KLF12: variants seen among roughly 807,000 people sequenced by gnomAD.
The protein encoded by KLF12 is Krueppel-like factor 12.
Under a neutral mutation model 37.8 loss-of-function variants are expected in KLF12, and 9 were observed. That is an observed-to-expected ratio of 0.24 (90% CI 0.14 to 0.42). KLF12 has a LOEUF of 0.42. Among genes scored for constraint, KLF12 ranks in the 10% least tolerant of loss-of-function variants. The pLI, the probability that KLF12 is intolerant of heterozygous loss-of-function variation, is 1.00. For synonymous variants in KLF12, 208 were observed against 202.1 expected, an observed-to-expected ratio of 1.03 and a Z score of -0.25; for missense variants, 411 against 516.0, an observed-to-expected ratio of 0.80 and a Z score of 1.97.
intron 1 of KLF12, among the ~76,000 whole-genome samples, chr13:74,033,122 G>A (rs1893157201): frequency 1.3e-5 from 2 of 152,094 alleles, no homozygotes; most frequent in Admixed American, 1.3e-4. Context: ...AGTGCTGCCT[G>A]CCCTTCTTAT....
chr13:74,096,237 A>C (rs1875980201), intron 1 of KLF12, among the ~76,000 whole-genome samples: 1 of 152,228 alleles, frequency 6.6e-6, no homozygotes, highest in Non-Finnish European at 1.5e-5. Context: ...AAAATGGACT[A>C]CAAGAGTTCA....
intron 6 of KLF12, among the ~76,000 whole-genome samples, chr13:73,745,316 G>A (rs1011229937): frequency 1.3e-5 from 2 of 152,116 alleles, no homozygotes; most frequent in African/African-American, 2.4e-5. Flanking sequence ...AAATCATGAC[G>A]TTGTGAAAGA....
intron 1 of KLF12, among the ~76,000 whole-genome samples, chr13:73,997,965 T>G (rs1411583410): frequency 6.6e-6 from 1 of 152,186 alleles, no homozygotes; most frequent in Non-Finnish European, 1.5e-5. Context: ...GAGGAGAGAC[T>G]GGAGAAATTC....
chr13:73,851,575 T>A (rs1386433571), intron 3 of KLF12, among the ~76,000 whole-genome samples: 1 of 152,208 alleles, frequency 6.6e-6, no homozygotes, highest in African/African-American at 2.4e-5. Flanking sequence ...TCAGTGTGCA[T>A]CCATTATGAC....
At chr13:73,769,727 G>C (rs1880149970) in intron 5 of KLF12, among the ~76,000 whole-genome samples, 1 of 152,046 alleles carries the variant, frequency 6.6e-6, no homozygotes, top group South Asian at 2.1e-4. Context: ...GTTCCTTCTG[G>C]TATCTTCTCA....
At chr13:73,913,992 T>A (rs879467949) in intron 3 of KLF12, among the ~76,000 whole-genome samples, 1 of 152,222 alleles carries the variant, frequency 6.6e-6, no homozygotes, top group African/African-American at 2.4e-5. Flanking sequence ...TGCATATCCA[T>A]GAATTAAACA....
At chr13:73,778,298 G>A (rs1355185613) in intron 5 of KLF12, among the ~76,000 whole-genome samples, 1 of 152,188 alleles carries the variant, frequency 6.6e-6, no homozygotes, top group Non-Finnish European at 1.5e-5. Context: ...ACAAACACAA[G>A]TGTTTTCCTA....
At chr13:74,038,263 A>T (rs953502480) in intron 1 of KLF12, among the ~76,000 whole-genome samples, 2 of 152,184 alleles carry the variant, frequency 1.3e-5, no homozygotes, top group African/African-American at 4.8e-5. Flanking sequence ...TGAACTTATA[A>T]CTATTCAAAA....
chr13:74,172,730 G>A, the KLF12 span, among the ~76,000 whole-genome samples: 1 of 152,136 alleles, frequency 6.6e-6, no homozygotes, highest in Admixed American at 6.5e-5. Context: ...CCATACCACA[G>A]GCAATTGGAA....
intron 2 of KLF12, among the ~76,000 whole-genome samples, chr13:73,985,010 C>T (rs1391732410): frequency 1.8e-5 from 2 of 112,990 alleles, no homozygotes; most frequent in African/African-American, 6.4e-5. Context: ...AAGGGTGACA[C>T]AGCTTCTGCC....
At chr13:74,061,591 A>G (rs1379012938) in intron 1 of KLF12, among the ~76,000 whole-genome samples, 2 of 152,182 alleles carry the variant, frequency 1.3e-5, no homozygotes, top group African/African-American at 4.8e-5. Context: ...ACCTGTGATT[A>G]AAAACAATCC....
intron 1 of KLF12, among the ~76,000 whole-genome samples, chr13:74,008,255 G>A (rs1483619727): frequency 3.3e-5 from 5 of 152,052 alleles, no homozygotes; most frequent in Non-Finnish European, 7.4e-5. Flanking sequence ...AAATTATAGA[G>A]CAATGTCCAG....
chr13:73,862,896 G>C (rs541713977), intron 3 of KLF12, among the ~76,000 whole-genome samples: 59 of 152,224 alleles, frequency 3.9e-4, no homozygotes, highest in African/African-American at 1.4e-3. Context: ...TAATTATTAA[G>C]TAAATTAGCA....
chr13:73,802,505 T>C (rs573210721), intron 5 of KLF12, among the ~76,000 whole-genome samples: 27 of 152,250 alleles, frequency 1.8e-4, no homozygotes, highest in African/African-American at 6.5e-4. Flanking sequence ...GGGGCAACAA[T>C]GTGCAGATTT....
At chr13:73,985,972 G>A (rs910846573) in intron 2 of KLF12, among the ~76,000 whole-genome samples, 7 of 152,220 alleles carry the variant, frequency 4.6e-5, no homozygotes, top group South Asian at 2.1e-4. Context: ...ATACAGCTCC[G>A]GAGCCACAGC....
At chr13:73,790,746 A>C (rs765497811) in intron 5 of KLF12, among the ~76,000 whole-genome samples, 10 of 152,190 alleles carry the variant, frequency 6.6e-5, no homozygotes, top group Non-Finnish European at 1.2e-4. Flanking sequence ...CCCTCCTTAC[A>C]GTCTAATGGG....
chr13:73,850,253 A>G (rs1004582450), intron 3 of KLF12, among the ~76,000 whole-genome samples: 25 of 152,230 alleles, frequency 1.6e-4, no homozygotes, highest in Non-Finnish European at 2.1e-4. Context: ...TACATATAAC[A>G]TTCCAGTGAA....
chr13:73,706,473 T>A (rs137953078), intron 7 of KLF12, among the ~76,000 whole-genome samples: 1 of 152,232 alleles, frequency 6.6e-6, no homozygotes, highest in African/African-American at 2.4e-5. Flanking sequence ...ATTCCAATCA[T>A]TGTAAATCTT....
In KLF12 at chr13:73,695,258, C is replaced by A; in HGVS notation, c.*232G>T. The A allele has an allele frequency of 2.0e-6, 1 of 503,616 alleles. No individual in the cohort carries two copies. Among genetic ancestry groups the A allele is most frequent in the Non-Finnish European group, 3.5e-6 (1 of 281,956 alleles). 31.2% of individuals were successfully genotyped at this position (503,616 alleles called of 1,614,324 possible). The stretch of plus-strand genomic sequence containing the variant: ...GCACGGAAAACAATGCCTGTCTCTT[C>A]AGCATTTATGTCACTGAGCTCCCAG... On this transcript the variant is annotated 3_prime_UTR_variant, in exon 8 of 8. Coordinates refer to ENST00000377669, the MANE Select transcript of KLF12 (RefSeq NM_007249.5).
Sources: gnomAD v4.1 joint callset for allele counts (sites outside exome capture counted in the v4.1 genomes callset) on GRCh38, gnomAD v4.1.1 for gene constraint, MANE v1.5 for transcripts, NCBI Gene and HGNC (gene_info 2026-07-23, HGNC 2026-07-21) for gene names.